MON2: variants seen among roughly 807,000 people sequenced by gnomAD.
MON2 encodes the protein MON2 regulator of endosome-to-Golgi trafficking.
In MON2, 84 loss-of-function variants were observed where a neutral mutation model predicts 208.6. That is an observed-to-expected ratio of 0.40 (90% CI 0.34 to 0.48). The LOEUF (loss-of-function observed/expected upper bound fraction) is 0.48, where lower values mean the gene tolerates loss of function less well. MON2 is among the 20% of genes least tolerant of loss of function. The pLI, the probability that MON2 is intolerant of heterozygous loss-of-function variation, is 0.59. For missense variants in MON2, 1,611 were observed against 2,015.4 expected (o/e 0.80, Z 3.84); for synonymous variants, 660 against 694.0 (o/e 0.95, Z 0.77).
intron 26 of MON2, among the ~76,000 whole-genome samples, chr12:62,561,506 A>G (rs1262000233): frequency 1.3e-5 from 2 of 152,094 alleles, no homozygotes; most frequent in African/African-American, 2.4e-5. Context: ...TAGTTCTGAA[A>G]TTATTGAAAG....
At chr12:62,570,993 G>C (rs566195634) in intron 29 of MON2, among the ~76,000 whole-genome samples, 1 of 152,130 alleles carries the variant, frequency 6.6e-6, no homozygotes, top group South Asian at 2.1e-4. Context: ...GCCTCCCAAA[G>C]TGCTGCGATT....
At chr12:62,559,604 C>A (rs1287696753) in intron 25 of MON2, among the ~76,000 whole-genome samples, 1 of 151,980 alleles carries the variant, frequency 6.6e-6, no homozygotes, top group Non-Finnish European at 1.5e-5. Context: ...ATAGCAAGAT[C>A]CCATCACTAC....
At chr12:62,587,955 A>G (rs981829771) in intron 33 of MON2, 119 bp from the exon 34 acceptor site, 117 of 622,618 alleles carry the variant, frequency 1.9e-4, no homozygotes, top group East Asian at 6.4e-4. Context: ...TTAACCTTGC[A>G]TTGTATTGTG....
intron 25 of MON2, among the ~76,000 whole-genome samples, chr12:62,557,599 A>G (rs1338802774): frequency 3.9e-5 from 6 of 152,136 alleles, no homozygotes; most frequent in Non-Finnish European, 8.8e-5. Flanking sequence ...TGTTGTACAT[A>G]TTATCTATTT....
chr12:62,474,716 G>A (rs968038160), intron 1 of MON2, among the ~76,000 whole-genome samples: 7 of 152,160 alleles, frequency 4.6e-5, no homozygotes, highest in Non-Finnish European at 5.9e-5. Context: ...GAGCCATCGC[G>A]GCCAGCCAGA....
intron 8 of MON2, among the ~76,000 whole-genome samples, chr12:62,512,482 T>C (rs1430083874): frequency 6.6e-6 from 1 of 152,212 alleles, no homozygotes; most frequent in Non-Finnish European, 1.5e-5. Context: ...AATGACCTCC[T>C]TTGACTCCAT....
chr12:62,572,138 A>G (rs2074616096), intron 30 of MON2, among the ~76,000 whole-genome samples: 1 of 152,240 alleles, frequency 6.6e-6, no homozygotes, highest in Non-Finnish European at 1.5e-5. Context: ...AGGTCCATCT[A>G]GAGTTGTGCT....
At chr12:62,569,286 C>T (rs1483690302) in intron 29 of MON2, among the ~76,000 whole-genome samples, 1 of 152,118 alleles carries the variant, frequency 6.6e-6, no homozygotes, top group Non-Finnish European at 1.5e-5. Flanking sequence ...GGCCCTATAT[C>T]ACTTAGTATT....
chr12:62,467,330 GT>G lies in MON2; in HGVS notation c.111+13del. The G allele has an allele frequency of 6.2e-7, 1 of 1,608,542 alleles. No homozygotes were observed. The highest frequency in any genetic ancestry group is 8.5e-7 in the Non-Finnish European group (1 of 1,175,066). On this transcript the variant is annotated intron_variant, in intron 1 of 34. Transcript: ENST00000393630. ...CACCTGTCAAAGAGGTAAGCTTCAGGTGACGTCAGGAGAAGGCACTGTGAGC... is the reference window on the plus strand; with the variant it reads ...CACCTGTCAAAGAGGTAAGCTTCAGGGACGTCAGGAGAAGGCACTGTGAGC...
chr12:62,581,817 G>A (rs779940363), intron 32 of MON2, among the ~76,000 whole-genome samples: 2 of 152,104 alleles, frequency 1.3e-5, no homozygotes, highest in African/African-American at 4.8e-5. Context: ...GCGACAGAGC[G>A]AGACTGTCTC....
intron 1 of MON2, among the ~76,000 whole-genome samples, chr12:62,480,840 G>A (rs1180477052): frequency 2.6e-5 from 4 of 152,162 alleles, no homozygotes; most frequent in East Asian, 1.9e-4. Flanking sequence ...GGTTTGCACC[G>A]AAGCAAAACC....
intron 26 of MON2, 71 bp from the exon 27 acceptor site, chr12:62,565,166 A>G (rs755664163): frequency 6.9e-7 from 1 of 1,444,134 alleles, no homozygotes; most frequent in Non-Finnish European, 9.6e-7. Flanking sequence ...TGGTTAAACA[A>G]ATATATACAC....
intron 30 of MON2, among the ~76,000 whole-genome samples, chr12:62,573,832 A>G (rs1238384531): frequency 6.6e-6 from 1 of 152,172 alleles, no homozygotes; most frequent in Non-Finnish European, 1.5e-5. Context: ...CCAAAGGCCA[A>G]ATAATAGTAT....
At chr12:62,477,226 G>A (rs2069138028) in intron 1 of MON2, among the ~76,000 whole-genome samples, 1 of 151,666 alleles carries the variant, frequency 6.6e-6, no homozygotes, top group African/African-American at 2.4e-5. Context: ...CAACTTTTGT[G>A]AAAAAAAAGT....
Position 62,553,138 on chromosome 12 carries a change from A to C in MON2, c.3174A>C (p.Leu1058Phe). ...CTACAATTGGTGCGCATGGAACTTT[A>C]TTACAGCATTCAACCTGGCACACTG... The part of the protein sequence containing the change: ...LFSTIGAHGT[L>F]LQHSTWHTVI... Residue 1058 changes from leucine to phenylalanine, a missense_variant, in exon 24 of 35, where the codon TTA becomes TTC. Coordinates refer to ENST00000393630, the MANE Select transcript of MON2 (RefSeq NM_015026.3). 6.2e-7 allele frequency: 1 copy of C among 1,614,218 alleles called. No individual in the cohort carries two copies. Among genetic ancestry groups the C allele is most frequent in the South Asian group, 1.1e-5 (1 of 91,082 alleles).
intron 33 of MON2, among the ~76,000 whole-genome samples, chr12:62,587,632 A>ACTC (rs1212419568): frequency 4.0e-5 from 6 of 151,874 alleles, no homozygotes; most frequent in African/African-American, 1.2e-4. Context: ...AGTCCCAGCT[A>ACTC]CTCGGGAGGC....
chr12:62,591,983 A>T (rs1267560419), intron 34 of MON2, among the ~76,000 whole-genome samples: 2 of 152,220 alleles, frequency 1.3e-5, no homozygotes, highest in Non-Finnish European at 2.9e-5. Flanking sequence ...CAGTAGCAAT[A>T]GCATTTAGCT....
intron 12 of MON2, 148 bp from the exon 13 acceptor site, chr12:62,534,697 T>C: frequency 3.9e-6 from 2 of 508,620 alleles, no homozygotes; most frequent in Non-Finnish European, 3.4e-6. Flanking sequence ...TTCTTTTAGA[T>C]TTTTAAATAC....
chr12:62,532,633 T>G lies in MON2; in HGVS notation c.1596T>G (p.Asp532Glu), dbSNP rs2072709098. The G allele has an allele frequency of 1.2e-6, 2 of 1,613,790 alleles. No individual in the cohort carries two copies. Among genetic ancestry groups the G allele is most frequent in the East Asian group, 4.5e-5 (2 of 44,872 alleles). ...CAACACAGTCGACAGAACAGCAGGA[T>G]TTACAGTCAACATCAGACCAAATGG... ...SSPTQSTEQQDLQSTSDQMDK... is the reference protein window; with the variant it reads ...SSPTQSTEQQELQSTSDQMDK... The change falls in exon 12 of 35, where the codon GAT becomes GAG. Residue 532 changes from aspartate to glutamate, a missense_variant. Physicochemically the swap from Asp to Glu is conservative, Grantham distance 45 (BLOSUM62 2). Transcript: ENST00000393630.
Sources: gnomAD v4.1 joint callset for allele counts (sites outside exome capture counted in the v4.1 genomes callset) on GRCh38, gnomAD v4.1.1 for gene constraint, MANE v1.5 for transcripts, NCBI Gene and HGNC (gene_info 2026-07-23, HGNC 2026-07-21) for gene names.